ENOX1: variants seen among roughly 807,000 people sequenced by gnomAD.
ENOX1 encodes candidate growth-related and time keeping constitutive hydroquinone (NADH) oxidase.
A neutral mutation model predicts 82.5 loss-of-function variants in ENOX1; 42 were observed. The ratio of observed to expected loss-of-function variants is 0.51; its 90% CI spans 0.40 to 0.66. The LOEUF (loss-of-function observed/expected upper bound fraction) is 0.66. Among genes scored for constraint, ENOX1 ranks in the 30% least tolerant of loss-of-function variants. The probability of loss-of-function intolerance (pLI) is 0.00; values close to 1 mark genes in which losing one functional copy is unlikely to be tolerated. For synonymous variants in ENOX1, 271 were observed against 282.2 expected, an observed-to-expected ratio of 0.96 and a Z score of 0.40; for missense variants, 608 against 811.6, an observed-to-expected ratio of 0.75 and a Z score of 3.05.
At chr13:43,483,828 ATAAG>A (rs1030583920) in intron 3 of ENOX1, among the ~76,000 whole-genome samples, 177 bp downstream of exon 3, 5 of 152,212 alleles carry the variant, frequency 3.3e-5, no homozygotes, top group Non-Finnish European at 5.9e-5. Context: ...GTATACATAA[ATAAG>A]TATGACAAGA....
chr13:43,691,252 C>A (rs1474562631), intron 1 of ENOX1, among the ~76,000 whole-genome samples: 1 of 152,114 alleles, frequency 6.6e-6, no homozygotes, highest in Non-Finnish European at 1.5e-5. Flanking sequence ...CAAAACAAGT[C>A]TTTCATCTGC....
chr13:43,296,691 G>A (rs775909066), intron 12 of ENOX1, among the ~76,000 whole-genome samples: 1 of 152,176 alleles, frequency 6.6e-6, no homozygotes, highest in Non-Finnish European at 1.5e-5. Flanking sequence ...GACCAGGCAC[G>A]TGGCTCCTCA....
intron 2 of ENOX1, among the ~76,000 whole-genome samples, chr13:43,598,305 G>A (rs1391370160): frequency 1.3e-5 from 2 of 152,092 alleles, no homozygotes; most frequent in Non-Finnish European, 1.5e-5. Flanking sequence ...CAGAGTTTTT[G>A]TCCATTTTGC....
At chr13:43,482,147 T>C (rs2058530605) in intron 3 of ENOX1, among the ~76,000 whole-genome samples, 1 of 152,082 alleles carries the variant, frequency 6.6e-6, no homozygotes, top group Non-Finnish European at 1.5e-5. Flanking sequence ...TGGGTACATA[T>C]CAAAAAAACT....
chr13:43,605,993 AAAAGAT>A (rs1202034285), intron 2 of ENOX1, among the ~76,000 whole-genome samples: 1 of 152,210 alleles, frequency 6.6e-6, no homozygotes, highest in Admixed American at 6.5e-5. Context: ...AAAAATGGGC[AAAAGAT>A]CTGAATAGAC....
intron 15 of ENOX1, among the ~76,000 whole-genome samples, chr13:43,235,545 C>T (rs889977668): frequency 3.9e-5 from 6 of 152,026 alleles, no homozygotes; most frequent in Non-Finnish European, 7.4e-5. Flanking sequence ...CCAGCCTGGC[C>T]AACATGGCAA....
chr13:43,782,641 T>C (rs1952343475), intron 1 of ENOX1, among the ~76,000 whole-genome samples: 1 of 152,200 alleles, frequency 6.6e-6, no homozygotes, highest in Non-Finnish European at 1.5e-5. Context: ...GGTTTTCTAC[T>C]TAAGGAGTTA....
rs573278936 is a variant in ENOX1, at chr13:43,225,172, A to G, written c.1715-1034T>C. On this transcript the variant is annotated intron_variant, in intron 15 of 16. Coordinates refer to ENST00000690772, the MANE Select transcript of ENOX1 (RefSeq NM_001347969.2). ...CTAAGTGAACTAATGCAGAAATAAA[A>G]CCAAATATTGCATGTTCTTATAAGT... 1.4e-3 allele frequency among the ~76,000 whole-genome samples: 211 copies of G among 152,340 alleles called. 2 individuals carry two copies. The highest frequency in any genetic ancestry group is 6.8e-3 in the South Asian group (33 of 4,818).
At chr13:43,356,631 T>C (rs1237487449) in intron 7 of ENOX1, among the ~76,000 whole-genome samples, 1 of 152,216 alleles carries the variant, frequency 6.6e-6, no homozygotes, top group Non-Finnish European at 1.5e-5. Flanking sequence ...TAAAAAGATC[T>C]ACAAAGTGAA....
At chr13:43,350,300 A>G (rs2049689503) in intron 8 of ENOX1, among the ~76,000 whole-genome samples, 1 of 152,260 alleles carries the variant, frequency 6.6e-6, no homozygotes, top group Non-Finnish European at 1.5e-5. Context: ...TTTCACCGCC[A>G]CAGTATTCTT....
chr13:43,498,321 G>C (rs1175078547), intron 2 of ENOX1, among the ~76,000 whole-genome samples: 2 of 152,042 alleles, frequency 1.3e-5, no homozygotes, highest in Admixed American at 1.3e-4. Flanking sequence ...TTTGTTCACT[G>C]TTGGTTAGCT....
intron 9 of ENOX1, among the ~76,000 whole-genome samples, chr13:43,341,766 T>G (rs2049078684): frequency 1.3e-5 from 2 of 152,200 alleles, no homozygotes; most frequent in Admixed American, 6.5e-5. Context: ...TCTCCACTCC[T>G]GCCTTATTAT....
At chr13:43,326,866 C>T (rs539814838) in intron 9 of ENOX1, among the ~76,000 whole-genome samples, 1 of 152,258 alleles carries the variant, frequency 6.6e-6, no homozygotes, top group South Asian at 2.1e-4. Flanking sequence ...TGTTGGCATC[C>T]AGATATACAG....
At chr13:43,612,194 G>T (rs528932118) in intron 2 of ENOX1, among the ~76,000 whole-genome samples, 6 of 152,318 alleles carry the variant, frequency 3.9e-5, no homozygotes, top group Admixed American at 1.3e-4. Flanking sequence ...GAGAACAGAT[G>T]AAGGAGCCAG....
intron 3 of ENOX1, among the ~76,000 whole-genome samples, chr13:43,421,058 C>A (rs938242902): frequency 6.6e-6 from 1 of 152,114 alleles, no homozygotes; most frequent in South Asian, 2.1e-4. Flanking sequence ...TCAAATAACA[C>A]TTAAAAGCTC....
intron 2 of ENOX1, among the ~76,000 whole-genome samples, chr13:43,631,831 T>G (rs1015766115): frequency 6.6e-6 from 1 of 152,226 alleles, no homozygotes; most frequent in African/African-American, 2.4e-5. Context: ...GAGGCTTTTC[T>G]TTCTTAATCT....
At chr13:43,344,413 G>A in intron 9 of ENOX1, 125 bp downstream of exon 9, 2 of 758,098 alleles carry the variant, frequency 2.6e-6, no homozygotes, top group Non-Finnish European at 2.2e-6. Flanking sequence ...TATGAAGTTT[G>A]CCATTCAATA....
At chr13:43,303,765 C>T (rs2046714979) in intron 11 of ENOX1, among the ~76,000 whole-genome samples, 1 of 152,142 alleles carries the variant, frequency 6.6e-6, no homozygotes, top group African/African-American at 2.4e-5. Flanking sequence ...TTACAAGCTC[C>T]TGGCGGGCAT....
chr13:43,693,719 G>A (rs1322378739), intron 1 of ENOX1, among the ~76,000 whole-genome samples: 1 of 152,104 alleles, frequency 6.6e-6, no homozygotes, highest in African/African-American at 2.4e-5. Context: ...AGGTTACCAG[G>A]ACATGTTGCA....
Sources: allele counts gnomAD v4.1 joint callset (sites outside exome capture counted in the v4.1 genomes callset), GRCh38; gene constraint gnomAD v4.1.1; transcripts MANE v1.5; gene names NCBI Gene and HGNC (gene_info 2026-07-23, HGNC 2026-07-21).